Variants in PPFIA2 observed in about 807,000 individuals in gnomAD.
The protein encoded by PPFIA2 is liprin-alpha-2.
A neutral mutation model predicts 175.5 loss-of-function variants in PPFIA2; 46 were observed. The observed-to-expected ratio is 0.26, with a 90% confidence interval of 0.21 to 0.34. The LOEUF is 0.34. PPFIA2 is among the 10% of genes least tolerant of loss of function. PPFIA2 has a pLI of 1.00. For synonymous variants in PPFIA2, 568 were observed against 511.4 expected, an observed-to-expected ratio of 1.11 and a Z score of -1.49; for missense variants, 1,179 against 1,506.1, an observed-to-expected ratio of 0.78 and a Z score of 3.60.
Position 81,601,597 on chromosome 12 carries a change from C to CT in PPFIA2, c.303+75193dup, listed in dbSNP as rs10712089. Among the ~76,000 whole-genome samples, 1,163 of 148,190 alleles carry CT rather than the reference C, an allele frequency of 7.8e-3. 16 individuals are homozygous for CT. Among genetic ancestry groups the CT allele is most frequent in the Admixed American group, 0.028 (421 of 14,796 alleles). ...TAAATTTAGTCAGGGACATTTGACACTTTTTTTTTTTCTGTAGGGAAGCCC... is the reference window on the plus strand; with the variant it reads ...TAAATTTAGTCAGGGACATTTGACACTTTTTTTTTTTTCTGTAGGGAAGCCC... On this transcript the variant is annotated intron_variant, in intron 4 of 32. Coordinates refer to ENST00000549396, the MANE Select transcript of PPFIA2 (RefSeq NM_003625.5).
intron 31 of PPFIA2, 100 bp downstream of exon 31, chr12:81,263,131 A>C: frequency 8.1e-7 from 1 of 1,233,790 alleles, no homozygotes; most frequent in East Asian, 2.6e-5. Context: ...AGAGCAAACC[A>C]ACTCAAGAAA....
intron 4 of PPFIA2, among the ~76,000 whole-genome samples, chr12:81,608,941 T>C (rs562912081): frequency 1.6e-3 from 245 of 152,106 alleles, no homozygotes; most frequent in African/African-American, 5.8e-3. Context: ...GCTATAGACT[T>C]CCCTCTTAAC....
chr12:81,343,076 T>A (rs2058429386), intron 19 of PPFIA2, among the ~76,000 whole-genome samples: 1 of 152,052 alleles, frequency 6.6e-6, no homozygotes, highest in South Asian at 2.1e-4. Context: ...ATAAATAGGC[T>A]GATTACTTAC....
At chr12:81,303,253 C>T (rs1388641860) in intron 22 of PPFIA2, among the ~76,000 whole-genome samples, 2 of 152,106 alleles carry the variant, frequency 1.3e-5, no homozygotes, top group Admixed American at 6.5e-5. Context: ...TCCCTGTTGG[C>T]CTGAAGAATA....
chr12:81,545,929 A>C (rs1249819705), intron 4 of PPFIA2: 2 of 152,126 alleles, frequency 1.3e-5, no homozygotes, highest in African/African-American at 4.8e-5. Context: ...GTTCGAGACC[A>C]GCATGGCCAA....
intron 4 of PPFIA2, among the ~76,000 whole-genome samples, chr12:81,491,213 GT>G (rs950068645): frequency 2.2e-5 from 2 of 90,514 alleles, no homozygotes; most frequent in African/African-American, 1.2e-4. Flanking sequence ...TACTTTTTTT[GT>G]TTTTTTGCTT....
At chr12:81,437,792 G>A (rs1410082007) in intron 7 of PPFIA2, among the ~76,000 whole-genome samples, 18 of 151,914 alleles carry the variant, frequency 1.2e-4, no homozygotes. Context: ...TTTTCTGATA[G>A]TTCCAGGAAC....
chr12:81,309,451 T>C (rs1471111336), intron 22 of PPFIA2, among the ~76,000 whole-genome samples: 1 of 152,154 alleles, frequency 6.6e-6, no homozygotes. Context: ...CATATTTAGC[T>C]TCATAAAATT....
chr12:81,335,497 C>A (rs886386428), intron 21 of PPFIA2, among the ~76,000 whole-genome samples: 5 of 152,140 alleles, frequency 3.3e-5, no homozygotes, highest in Non-Finnish European at 5.9e-5. Context: ...AATCCCAGCA[C>A]TTTGGGATGC....
intron 4 of PPFIA2, among the ~76,000 whole-genome samples, chr12:81,514,903 T>C (rs562064266): frequency 1.3e-5 from 2 of 152,098 alleles, no homozygotes; most frequent in African/African-American, 2.4e-5. Context: ...GCTTTTATTA[T>C]AGAGAAGAAT....
intron 14 of PPFIA2, among the ~76,000 whole-genome samples, chr12:81,366,124 T>C (rs2033330562): frequency 6.8e-6 from 1 of 147,870 alleles, no homozygotes; most frequent in Non-Finnish European, 1.5e-5. Context: ...TTTCCCTTCC[T>C]TCTCTCTCTC....
chr12:81,602,639 T>C (rs1443388084), intron 4 of PPFIA2, among the ~76,000 whole-genome samples: 1 of 151,882 alleles, frequency 6.6e-6, no homozygotes, highest in Non-Finnish European at 1.5e-5. Context: ...GCTATTAAAG[T>C]CATTCACTTT....
Position 81,642,672 on chromosome 12 carries a change from C to CATGTGT in PPFIA2, c.303+34118_303+34119insACACAT, listed in dbSNP as rs2065191306. Among the ~76,000 whole-genome samples, 2 of 64,850 alleles carry CATGTGT rather than the reference C, an allele frequency of 3.1e-5. 1 individual carries two copies. The highest frequency in any genetic ancestry group is 8.9e-5 in the African/African-American group (2 of 22,422). 42.5% of individuals were successfully genotyped at this position (64,850 alleles called of 152,430 possible). Reference sequence around the variant, plus strand: ...CATGTATGTATCTATTATATACATACATGTATGTATCTATTATATACATAC... The same window carrying CATGTGT: ...CATGTATGTATCTATTATATACATACATGTGTATGTATGTATCTATTATATACATAC... On this transcript the variant is annotated intron_variant, in intron 4 of 32. Transcript: ENST00000549396.
At chr12:81,502,031 T>G (rs1036023421) in intron 4 of PPFIA2, among the ~76,000 whole-genome samples, 4 of 152,186 alleles carry the variant, frequency 2.6e-5, no homozygotes, top group African/African-American at 9.7e-5. Context: ...TTCTCTGTTT[T>G]CCAGTGGAAC....
At chr12:81,629,017 C>A (rs1484982707) in intron 4 of PPFIA2, among the ~76,000 whole-genome samples, 2 of 152,108 alleles carry the variant, frequency 1.3e-5, no homozygotes, top group Non-Finnish European at 2.9e-5. Flanking sequence ...CCTGGGTAAT[C>A]TAAATTAGTT....
chr12:81,642,678 T>C (rs542220622), intron 4 of PPFIA2, among the ~76,000 whole-genome samples: 2 of 126,248 alleles, frequency 1.6e-5, no homozygotes, highest in African/African-American at 5.6e-5. Context: ...CATACATGTA[T>C]GTATCTATTA....
chr12:81,334,568 T>C (rs2056776438), intron 21 of PPFIA2, among the ~76,000 whole-genome samples: 1 of 152,164 alleles, frequency 6.6e-6, no homozygotes, highest in Non-Finnish European at 1.5e-5. Context: ...GGTTGAACTC[T>C]TTCTCTTCAA....
At chr12:81,581,727 A>AAAAC (rs1189238992) in intron 4 of PPFIA2, among the ~76,000 whole-genome samples, 2 of 26,590 alleles carry the variant, frequency 7.5e-5, no homozygotes, top group African/African-American at 2.8e-4. Context: ...AAAACAAAAC[A>AAAAC]AAACGAACAA....
At chr12:81,523,608 A>G (rs545031352) in intron 4 of PPFIA2, among the ~76,000 whole-genome samples, 1 of 152,292 alleles carries the variant, frequency 6.6e-6, no homozygotes, top group Admixed American at 6.5e-5. Context: ...AAATAATAGA[A>G]CCCTCTAATA....
Sources: gnomAD v4.1 joint callset for allele counts (sites outside exome capture counted in the v4.1 genomes callset) on GRCh38, gnomAD v4.1.1 for gene constraint, MANE v1.5 for transcripts, NCBI Gene and HGNC (gene_info 2026-07-23, HGNC 2026-07-21) for gene names.